Variants in VAT1L observed in about 807,000 individuals in gnomAD.
VAT1L encodes putative NADPH-dependent quinone oxidoreductase VAT1L.
Under a neutral mutation model 44.1 loss-of-function variants are expected in VAT1L, and 34 were observed. The observed-to-expected ratio is 0.77, with a 90% CI of 0.59 to 1.03. The LOEUF is 1.03. VAT1L is among the 50% of genes least tolerant of loss of function. The pLI, the probability that VAT1L is intolerant of heterozygous loss-of-function variation, is 0.00. For synonymous variants in VAT1L, 253 were observed against 202.2 expected, an observed-to-expected ratio of 1.25 and a Z score of -2.13; for missense variants, 615 against 538.8, an observed-to-expected ratio of 1.14 and a Z score of -1.40.
intron 1 of VAT1L, among the ~76,000 whole-genome samples, chr16:77,810,846 C>T (rs1167669602): frequency 1.3e-5 from 2 of 152,092 alleles, no homozygotes; most frequent in African/African-American, 4.8e-5. Flanking sequence ...TTCATAAAGT[C>T]GTAAATATAT....
chr16:77,802,088 C>G (rs2016066871), intron 1 of VAT1L, among the ~76,000 whole-genome samples: 1 of 152,184 alleles, frequency 6.6e-6, no homozygotes, highest in Non-Finnish European at 1.5e-5. Context: ...AAATGAATGG[C>G]AAAGGCAATT....
chr16:77,836,407 G>T (rs1024038429), intron 3 of VAT1L, among the ~76,000 whole-genome samples: 1 of 152,090 alleles, frequency 6.6e-6, no homozygotes, highest in East Asian at 1.9e-4. Flanking sequence ...GAACTAAATG[G>T]CTTTATCATG....
chr16:77,966,671 A>G (rs992695790), intron 7 of VAT1L, among the ~76,000 whole-genome samples: 5 of 152,178 alleles, frequency 3.3e-5, no homozygotes, highest in African/African-American at 1.2e-4. Flanking sequence ...AAACTACAAA[A>G]AACTAATTTT....
intron 7 of VAT1L, among the ~76,000 whole-genome samples, chr16:77,905,259 G>A (rs1466881156): frequency 6.6e-6 from 1 of 152,174 alleles, no homozygotes; most frequent in Non-Finnish European, 1.5e-5. Context: ...CATTACGTTT[G>A]TTGGCATGGC....
chr16:77,970,599 C>A (rs2018268707), intron 7 of VAT1L, among the ~76,000 whole-genome samples: 1 of 152,154 alleles, frequency 6.6e-6, no homozygotes, highest in Non-Finnish European at 1.5e-5. Flanking sequence ...TCATTATTTA[C>A]TTAATCATCC....
At chr16:77,873,251 C>T (rs1198526564) in intron 4 of VAT1L, among the ~76,000 whole-genome samples, 2 of 152,166 alleles carry the variant, frequency 1.3e-5, no homozygotes, top group Non-Finnish European at 2.9e-5. Context: ...GTGCTAGTTA[C>T]GTAAGCTTGG....
intron 7 of VAT1L, among the ~76,000 whole-genome samples, chr16:77,937,010 G>A (rs62042227): frequency 0.056 from 8,462 of 152,156 alleles, 334 homozygotes; most frequent in South Asian, 0.12. Flanking sequence ...TCAGCCTCCC[G>A]AGTAGCTGGG....
chr16:77,886,585 T>A (rs2017211804), intron 7 of VAT1L, among the ~76,000 whole-genome samples: 1 of 152,212 alleles, frequency 6.6e-6, no homozygotes, highest in Non-Finnish European at 1.5e-5. Context: ...GAACAACAAC[T>A]ATGTGCCCAG....
chr16:77,806,895 C>A (rs1436051541), intron 1 of VAT1L, among the ~76,000 whole-genome samples: 1 of 152,082 alleles, frequency 6.6e-6, no homozygotes, highest in Admixed American at 6.5e-5. Context: ...TTCTCCCTTC[C>A]ATGGAAAGCT....
intron 4 of VAT1L, among the ~76,000 whole-genome samples, chr16:77,863,095 G>A (rs1424946974): frequency 6.6e-6 from 1 of 152,072 alleles, no homozygotes; most frequent in Non-Finnish European, 1.5e-5. Context: ...GGAACGAATC[G>A]GCTAACTTGG....
At chr16:77,886,150 A>G (rs1342859462) in intron 7 of VAT1L, among the ~76,000 whole-genome samples, 1 of 152,186 alleles carries the variant, frequency 6.6e-6, no homozygotes, top group Non-Finnish European at 1.5e-5. Flanking sequence ...CCGTGATTCA[A>G]TTTAGTGCTA....
At chr16:77,921,021 A>G (rs1382378207) in intron 7 of VAT1L, among the ~76,000 whole-genome samples, 1 of 152,180 alleles carries the variant, frequency 6.6e-6, no homozygotes, top group African/African-American at 2.4e-5. Context: ...AGTTAACACA[A>G]ATATCCATTT....
In VAT1L at chr16:77,968,912, G is replaced by A. The variant is rs140013509; in HGVS notation, c.1078-2938G>A. On this transcript the variant is annotated intron_variant, in intron 7 of 8. Coordinates refer to ENST00000302536, the MANE Select transcript of VAT1L (RefSeq NM_020927.3). ...CAGCTCAGTGCAACCTCCACCTCCC[G>A]GGTTCAAGCAATTCTCCTGCCTCAG... 9.8e-3 allele frequency among the ~76,000 whole-genome samples: 1,495 copies of A among 152,054 alleles called. 38 individuals carry two copies. The highest frequency in any genetic ancestry group is 0.035 in the African/African-American group (1,433 of 41,498).
intron 1 of VAT1L, among the ~76,000 whole-genome samples, chr16:77,809,060 C>T (rs1459133416): frequency 6.6e-6 from 1 of 152,206 alleles, no homozygotes; most frequent in Non-Finnish European, 1.5e-5. Flanking sequence ...CATGATCTTT[C>T]TCTAGGAGAG....
chr16:77,976,275 G>C (rs2018338885), intron 8 of VAT1L, among the ~76,000 whole-genome samples: 1 of 152,190 alleles, frequency 6.6e-6, no homozygotes, highest in Non-Finnish European at 1.5e-5. Flanking sequence ...CTACAAAGAA[G>C]AGGTATTTGG....
chr16:77,900,977 G>C (rs369849317), intron 7 of VAT1L, among the ~76,000 whole-genome samples: 5 of 152,042 alleles, frequency 3.3e-5, no homozygotes, highest in African/African-American at 9.7e-5. Flanking sequence ...CTTTGGGTCA[G>C]CATCATTGAC....
Position 77,884,902 on chromosome 16 carries a change from G to A in VAT1L, c.1077+100G>A. 1 of 1,343,390 alleles carries A rather than the reference G, an allele frequency of 7.4e-7. No individual in the cohort carries two copies. The highest frequency in any genetic ancestry group is 9.8e-7 in the Non-Finnish European group (1 of 1,020,510). The allele number at this position is 1,343,390 out of a possible 1,614,324, so 83.2% of individuals were successfully genotyped here. ...CTTCTACTAAATGATTTTTTTCCCA[G>A]ATGGGTTTGTTTTAAATGAGGGTCC... On this transcript the variant is annotated intron_variant, in intron 7 of 8. Transcript: ENST00000302536. This position sits in a 1 kb window ranked among gnomAD's most constrained non-coding sequence, Gnocchi z 4.5.
chr16:77,873,015 T>C (rs2017048152), intron 4 of VAT1L, among the ~76,000 whole-genome samples: 1 of 152,228 alleles, frequency 6.6e-6, no homozygotes, highest in South Asian at 2.1e-4. Context: ...GGCCAAACTT[T>C]GATCAAATGT....
At chr16:77,866,736 A>T (rs2016978448) in intron 4 of VAT1L, among the ~76,000 whole-genome samples, 1 of 152,190 alleles carries the variant, frequency 6.6e-6, no homozygotes, top group African/African-American at 2.4e-5. Context: ...AGAAAAAAAA[A>T]TATTTATGAC....
Sources: gnomAD v4.1 joint callset for allele counts (sites outside exome capture counted in the v4.1 genomes callset) on GRCh38, gnomAD v4.1.1 for gene constraint, Gnocchi (gnomAD v3.1) non-coding constraint, MANE v1.5 for transcripts, NCBI Gene and HGNC (gene_info 2026-07-23, HGNC 2026-07-21) for gene names.